The following H2BW2 variants were observed in gnomAD, a reference collection of about 807,000 sequenced individuals.
The protein encoded by H2BW2 is H2B.W histone 2.
A neutral mutation model predicts 9.2 loss-of-function variants in H2BW2; 8 were observed. The observed-to-expected ratio is 0.87, with a 90% CI of 0.51 to 1.57. H2BW2 has a LOEUF of 1.57. Ranked by LOEUF, H2BW2 falls within the 40% of genes most tolerant of loss-of-function variation. The pLI is 0.00. For synonymous variants in H2BW2, 80 were observed against 56.8 expected (o/e 1.41, Z -1.84); for missense variants, 193 against 137.3 (o/e 1.41, Z -2.03).
chrX:104,041,023 A>T (rs782542364), intron 2 of H2BW2, 65 bp from the exon 3 acceptor site: 6 of 573,238 alleles, frequency 1.0e-5, no homozygotes, highest in Non-Finnish European at 1.6e-5. Flanking sequence ...CCCGACTCTG[A>T]GACCACTATT....
At chrX:104,041,044 C>T in intron 2 of H2BW2, 44 bp from the exon 3 acceptor site, 1 of 519,276 alleles carries the variant, frequency 1.9e-6, no homozygotes, top group Non-Finnish European at 3.1e-6. Flanking sequence ...GTAATTCATT[C>T]TCTTTTTGTA....
chrX:104,040,238 A>G lies in H2BW2; in HGVS notation c.244A>G (p.Met82Val), dbSNP rs1472339245. The G allele has an allele frequency of 8.4e-7, 1 of 1,193,991 alleles. No individual in the cohort carries two copies. The highest frequency in any genetic ancestry group is 1.8e-5 in the South Asian group (1 of 54,265). The change falls in exon 1 of 4, where the codon ATG (methionine) becomes GTG (valine). Residue 82 changes from methionine to valine, a missense_variant. Met to Val is a conservative substitution (Grantham distance 21, BLOSUM62 1). Transcript: ENST00000675318. The stretch of plus-strand genomic sequence containing the variant: ...GGAGGCCGTGAGTGTCATGGATTCT[A>G]TGATCCATGACATATTGGACCGCAT... ...SQEAVSVMDSMIHDILDRIAT... is the reference protein window; with the variant it reads ...SQEAVSVMDSVIHDILDRIAT...
In H2BW2 at chrX:104,040,179, T is replaced by C. The variant is rs781988988; in HGVS notation, c.185T>C (p.Leu62Pro). Reference protein sequence around the residue: ...DSFTPYFPRVLKQVHQGLSLS... With the variant: ...DSFTPYFPRVPKQVHQGLSLS... ...TTCACCCCCTATTTCCCCCGGGTGC[T>C]GAAGCAGGTTCACCAGGGCCTCAGC... The change falls in exon 1 of 4, where the codon CTG becomes CCG. Residue 62 changes from leucine (L) to proline (P), a missense_variant. Physicochemically the swap from Leu to Pro is moderately conservative, Grantham distance 98. Transcript: ENST00000675318. 5.0e-6 allele frequency: 6 copies of C among 1,188,758 alleles called. No individual in the cohort carries two copies. Among genetic ancestry groups the C allele is most frequent in the Non-Finnish European group, 6.8e-6 (6 of 884,655 alleles).
At chrX:104,041,628 G>T (rs1459374032) in intron 3 of H2BW2, 1 of 111,275 alleles carries the variant, frequency 9.0e-6, no homozygotes, top group Admixed American at 9.6e-5. Context: ...ATTTCCAGTC[G>T]CCCGAGTATG....
At chrX:104,040,907 C>T (rs1556344241) in intron 2 of H2BW2, 21 bp downstream of exon 2, 1 of 1,187,919 alleles carries the variant, frequency 8.4e-7, no homozygotes, top group Non-Finnish European at 1.1e-6. Flanking sequence ...TAAATGTGTT[C>T]AGCATCTCTC....
intron 3 of H2BW2, chrX:104,041,883 C>A (rs2147849131): frequency 8.9e-6 from 1 of 111,868 alleles, no homozygotes; most frequent in East Asian, 2.8e-4. Context: ...GGGAAAGAAC[C>A]ACCCCAGAGG....
In H2BW2 at chrX:104,040,116, G is replaced by A. The variant is rs1199937421; in HGVS notation, c.122G>A (p.Arg41His). 2.1e-5 allele frequency: 24 copies of A among 1,168,657 alleles called. No homozygotes were observed. The highest frequency in any genetic ancestry group is 2.5e-5 in the Admixed American group (1 of 39,364). The change falls in exon 1 of 4, where the codon CGC becomes CAC. Residue 41 changes from arginine (R) to histidine (H), a missense_variant. Arg to His is a conservative substitution (Grantham distance 29, BLOSUM62 0). Transcript: ENST00000675318. ...CGAGGGTGCCGAGGCTCCCGCAGGC[G>A]CCACGCCAACCGCCGTGGGGACAGC... ...KRRGCRGSRR[R>H]HANRRGDSFG...
chrX:104,040,520 AC>A, intron 1 of H2BW2, 116 bp downstream of exon 1: 1 of 706,574 alleles, frequency 1.4e-6, no homozygotes. Flanking sequence ...CAAGGGGGGG[AC>A]CCCACCGGAG....
chrX:104,040,475 A>G, intron 1 of H2BW2, 71 bp downstream of exon 1: 1 of 987,995 alleles, frequency 1.0e-6, no homozygotes, highest in Non-Finnish European at 1.3e-6. Context: ...TCTATTCAGA[A>G]CCACCGCCCG....
chrX:104,040,420 G>A lies in H2BW2; in HGVS notation c.410+16G>A, dbSNP rs1569455455. 8.9e-7 allele frequency: 1 copy of A among 1,126,273 alleles called. No homozygotes were observed. The highest frequency in any genetic ancestry group is 1.2e-6 in the Non-Finnish European group (1 of 850,179). 92.8% of individuals were successfully genotyped at this position (1,126,273 alleles called of 1,213,427 possible). ...CCGCCCTCAGGTACACCAAAAGCAA[G>A]TGAGCTGTCTCAGGAGCGCCTGAGC... On this transcript the variant is annotated intron_variant, in intron 1 of 3. Transcript: ENST00000675318.
At chrX:104,041,028 A>G in intron 2 of H2BW2, 60 bp from the exon 3 acceptor site, 1 of 556,869 alleles carries the variant, frequency 1.8e-6, no homozygotes. Flanking sequence ...CTCTGAGACC[A>G]CTATTGTAAT....
chrX:104,040,133 G>A lies in H2BW2; in HGVS notation c.139G>A (p.Gly47Arg). ...CCGCAGGCGCCACGCCAACCGCCGT[G>A]GGGACAGCTTCGGGGACAGCTTCAC... ...GSRRRHANRR[G>R]DSFGDSFTPY... Residue 47 changes from glycine to arginine, a missense_variant, in exon 1 of 4, where the codon GGG becomes AGG. Coordinates refer to ENST00000675318, the MANE Select transcript of H2BW2 (RefSeq NM_001388464.1). The A allele has an allele frequency of 8.5e-7, 1 of 1,178,064 alleles. No individual in the cohort carries two copies. Among genetic ancestry groups the A allele is most frequent in the Non-Finnish European group, 1.1e-6 (1 of 879,473 alleles).
chrX:104,040,445 C>G (rs2075199589), intron 1 of H2BW2, 41 bp downstream of exon 1: 1 of 1,065,511 alleles, frequency 9.4e-7, no homozygotes, highest in South Asian at 2.3e-5. Context: ...AGCGCCTGAG[C>G]ACCTGGGAAA....
chrX:104,040,304 G>C lies in H2BW2; in HGVS notation c.310G>C (p.Val104Leu). ...TCAGCTGGCCCATTACACCAAGCGCGTGACCATCACCTCCCGGGACATCCA... is the reference window on the plus strand; with the variant it reads ...TCAGCTGGCCCATTACACCAAGCGCCTGACCATCACCTCCCGGGACATCCA... ...AGQLAHYTKRVTITSRDIQMA... is the reference protein window; with the variant it reads ...AGQLAHYTKRLTITSRDIQMA... Residue 104 changes from valine (V) to leucine (L), a missense_variant, in exon 1 of 4, where the codon GTG becomes CTG. By Grantham distance (32) the Val-to-Leu change is conservative. Coordinates refer to ENST00000675318, the MANE Select transcript of H2BW2 (RefSeq NM_001388464.1). The C allele has an allele frequency of 5.0e-6, 6 of 1,197,585 alleles. No individual in the cohort carries two copies. The East Asian group carries it at 1.5e-4, about 30-fold the overall frequency.
Position 104,040,350 on chromosome X carries a change from T to TGCC in H2BW2, c.358_360dup (p.Pro120dup). 8.4e-7 allele frequency: 1 copy of TGCC among 1,185,629 alleles called. No homozygotes were observed. Among genetic ancestry groups the TGCC allele is most frequent in the Non-Finnish European group, 1.1e-6 (1 of 882,510 alleles). ...ATCCAGATGGCCGTGCGACTGCTGC[T>TGCC]GCCGGGGAAGATGGGCAAGCTCGCC... On this transcript the variant is annotated inframe_insertion, in exon 1 of 4. Coordinates refer to ENST00000675318, the MANE Select transcript of H2BW2 (RefSeq NM_001388464.1).
intron 1 of H2BW2, 76 bp downstream of exon 1, chrX:104,040,480 C>A: frequency 3.1e-6 from 3 of 964,051 alleles, no homozygotes; most frequent in African/African-American, 2.0e-5. Context: ...TCAGAACCAC[C>A]GCCCGTGGCC....
chrX:104,040,947 G>A (rs1341904483), intron 2 of H2BW2, 61 bp downstream of exon 2: 7 of 1,129,048 alleles, frequency 6.2e-6, no homozygotes, highest in East Asian at 3.1e-5. Flanking sequence ...ATAAGCAAAC[G>A]AGGCCCAGTT....
intron 3 of H2BW2, 116 bp downstream of exon 3, chrX:104,041,222 G>A (rs782636133): frequency 5.1e-6 from 1 of 194,646 alleles, no homozygotes; most frequent in Non-Finnish European, 9.2e-6. Context: ...CCCAATGTGG[G>A]GGGAGTGACC....
Position 104,040,956 on chromosome X carries a change from T to G in H2BW2, c.*22+70T>G. ...ATGTAAATAAGCAAACGAGGCCCAG[T>G]TACAGTATATATATGGCTAAATAAA... is the stretch of plus-strand genomic sequence containing the variant. On this transcript the variant is annotated intron_variant, in intron 2 of 3. Coordinates refer to ENST00000675318, the MANE Select transcript of H2BW2 (RefSeq NM_001388464.1). The G allele has an allele frequency of 4.6e-6, 5 of 1,083,266 alleles. No individual in the cohort carries two copies. In the South Asian group the frequency reaches 1.0e-4, roughly 23 times the overall value. The allele number at this position is 1,083,266 out of a possible 1,213,427, so 89.3% of individuals were successfully genotyped here.
Sources: allele counts gnomAD v4.1 joint callset, GRCh38; gene constraint gnomAD v4.1.1; transcripts MANE v1.5; gene names NCBI Gene and HGNC (gene_info 2026-07-23, HGNC 2026-07-21).